The following EEFSEC variants were observed in gnomAD, a reference collection of about 807,000 sequenced individuals.
EEFSEC encodes eukaryotic elongation factor, selenocysteine-tRNA specific.
A neutral mutation model predicts 42.1 loss-of-function variants in EEFSEC; 43 were observed. The observed-to-expected ratio is 1.02, with a 90% CI of 0.80 to 1.32. The LOEUF is 1.32. EEFSEC is among the 40% of genes most tolerant of loss of function. EEFSEC has a pLI of 0.00. For missense variants in EEFSEC, 745 were observed against 803.6 expected (o/e 0.93, Z 0.88); for synonymous variants, 354 against 339.1 (o/e 1.04, Z -0.48).
At chr3:128,178,534 G>A (rs938952730) in intron 1 of EEFSEC, among the ~76,000 whole-genome samples, 1 of 151,714 alleles carries the variant, frequency 6.6e-6, no homozygotes, top group South Asian at 2.1e-4. Context: ...ACTTCCTAAC[G>A]GTCATTCTTT....
intron 1 of EEFSEC, among the ~76,000 whole-genome samples, chr3:128,213,397 G>A (rs960062764): frequency 1.3e-5 from 2 of 152,206 alleles, no homozygotes; most frequent in African/African-American, 4.8e-5. Context: ...GTGTGGGTAA[G>A]CTGCTTAATC....
At chr3:128,206,481 T>C (rs1291125062) in intron 1 of EEFSEC, among the ~76,000 whole-genome samples, 1 of 152,200 alleles carries the variant, frequency 6.6e-6, no homozygotes. Context: ...AGCCAGTCAC[T>C]TCTGTCTGTG....
At chr3:128,235,357 C>G (rs1273152664) in intron 1 of EEFSEC, among the ~76,000 whole-genome samples, 3 of 152,162 alleles carry the variant, frequency 2.0e-5, no homozygotes, top group African/African-American at 7.2e-5. Flanking sequence ...GCCTGAGCCA[C>G]CGCGCCCAGC....
intron 6 of EEFSEC, among the ~76,000 whole-genome samples, chr3:128,363,866 G>A (rs927935189): frequency 4.6e-5 from 7 of 152,208 alleles, no homozygotes; most frequent in Admixed American, 1.3e-4. Flanking sequence ...CACAGTGGAG[G>A]CCAAACAGCC....
intron 1 of EEFSEC, among the ~76,000 whole-genome samples, chr3:128,226,693 T>C (rs1045532416): frequency 1.3e-5 from 2 of 152,182 alleles, no homozygotes; most frequent in Non-Finnish European, 2.9e-5. Flanking sequence ...TCTGTATGTG[T>C]GTGTGTGTTT....
At chr3:128,324,190 G>A (rs1055342000) in intron 4 of EEFSEC, among the ~76,000 whole-genome samples, 1 of 151,670 alleles carries the variant, frequency 6.6e-6, no homozygotes, top group Non-Finnish European at 1.5e-5. Flanking sequence ...TTTCTACAGT[G>A]TCAGTTTTCC....
chr3:128,273,897 C>T (rs2066440302), intron 4 of EEFSEC, among the ~76,000 whole-genome samples: 1 of 152,118 alleles, frequency 6.6e-6, no homozygotes. Flanking sequence ...TCTGGTCGTG[C>T]TTGGTGTGTT....
intron 1 of EEFSEC, among the ~76,000 whole-genome samples, chr3:128,208,213 G>A (rs1033516029): frequency 1.1e-4 from 16 of 152,174 alleles, no homozygotes; most frequent in African/African-American, 3.6e-4. Context: ...TCTAAGTGGC[G>A]GATGGTTGGA....
the EEFSEC span, among the ~76,000 whole-genome samples, chr3:128,425,287 T>C: frequency 2.0e-5 from 3 of 152,222 alleles, no homozygotes; most frequent in Non-Finnish European, 2.9e-5. Flanking sequence ...GTGTGGACTT[T>C]CCAGCAAGGC....
intron 4 of EEFSEC, among the ~76,000 whole-genome samples, chr3:128,338,215 C>T (rs1019587316): frequency 6.6e-6 from 1 of 152,078 alleles, no homozygotes; most frequent in African/African-American, 2.4e-5. Context: ...ATGTAGTGAG[C>T]CTTTACACAA....
chr3:128,229,444 C>T (rs1230266351), intron 1 of EEFSEC, among the ~76,000 whole-genome samples: 5 of 152,210 alleles, frequency 3.3e-5, no homozygotes, highest in African/African-American at 1.2e-4. Flanking sequence ...CCTTCCCCAC[C>T]CCCACCATGG....
At chr3:128,241,533 C>T (rs1418195475) in intron 1 of EEFSEC, among the ~76,000 whole-genome samples, 2 of 151,910 alleles carry the variant, frequency 1.3e-5, no homozygotes, top group South Asian at 2.1e-4. Flanking sequence ...TTTGTAGAGA[C>T]GGGGTTTCAC....
Position 128,243,101 on chromosome 3 carries a change from C to T in EEFSEC, c.317-3735C>T, listed in dbSNP as rs200298406. Among the ~76,000 whole-genome samples the T allele has an allele frequency of 5.3e-5, 8 of 152,186 alleles. No homozygotes were observed. In the East Asian group the frequency reaches 1.3e-3, roughly 26 times the overall value. ...GCAGCAGGCAGTTGCCTGGTGATGA[C>T]CCCGGGTTTCCAGTGCTAGTCTGGT... is the stretch of plus-strand genomic sequence containing the variant. On this transcript the variant is annotated intron_variant, in intron 1 of 6. Coordinates refer to ENST00000254730, the MANE Select transcript of EEFSEC (RefSeq NM_021937.5).
At chr3:128,216,961 G>A (rs80102972) in intron 1 of EEFSEC, among the ~76,000 whole-genome samples, 1,712 of 152,274 alleles carry the variant, frequency 0.011, 22 homozygotes, top group African/African-American at 0.039. Flanking sequence ...GGCTGGACAC[G>A]TACATATGTA....
intron 4 of EEFSEC, among the ~76,000 whole-genome samples, chr3:128,266,146 A>T (rs2066351745): frequency 6.6e-6 from 1 of 152,164 alleles, no homozygotes; most frequent in Admixed American, 6.5e-5. Flanking sequence ...CACCTACATT[A>T]TAGGGGTCAT....
At chr3:128,252,092 C>G (rs549780828) in intron 2 of EEFSEC, among the ~76,000 whole-genome samples, 1 of 152,208 alleles carries the variant, frequency 6.6e-6, no homozygotes, top group Non-Finnish European at 1.5e-5. Context: ...CTTGATACAT[C>G]ATTCCCCCAG....
At chr3:128,342,284 C>T (rs772695081) in intron 5 of EEFSEC, among the ~76,000 whole-genome samples, 11 of 152,268 alleles carry the variant, frequency 7.2e-5, no homozygotes, top group Non-Finnish European at 1.6e-4. Context: ...CTCTCTTGAC[C>T]TTGGTGGGCA....
At chr3:128,214,916 G>A (rs1361074736) in intron 1 of EEFSEC, among the ~76,000 whole-genome samples, 1 of 152,234 alleles carries the variant, frequency 6.6e-6, no homozygotes, top group Admixed American at 6.5e-5. Context: ...TTCCTGAGGA[G>A]GAGGAGGTAA....
chr3:128,296,204 A>G (rs1390510845), intron 4 of EEFSEC, among the ~76,000 whole-genome samples: 1 of 152,124 alleles, frequency 6.6e-6, no homozygotes, highest in African/African-American at 2.4e-5. Context: ...GGAATACCCT[A>G]AAAGCTCTTC....
Sources: allele counts gnomAD v4.1 joint callset (sites outside exome capture counted in the v4.1 genomes callset), GRCh38; gene constraint gnomAD v4.1.1; transcripts MANE v1.5; gene names NCBI Gene and HGNC (gene_info 2026-07-23, HGNC 2026-07-21).